CCDC146: variants seen among roughly 807,000 people sequenced by gnomAD.
CCDC146 encodes coiled-coil domain containing 146, also known as coiled-coil domain-containing protein 146.
In CCDC146, 92 loss-of-function variants were observed where a neutral mutation model predicts 119.3. The ratio of observed to expected loss-of-function variants is 0.77; its 90% CI spans 0.65 to 0.92. The LOEUF is 0.92. Among genes scored for constraint, CCDC146 ranks in the 40% least tolerant of loss-of-function variants. CCDC146 has a pLI of 0.00. For synonymous variants in CCDC146, 372 were observed against 371.8 expected (o/e 1.00, Z -0.01); for missense variants, 1,000 against 1,103.0 (o/e 0.91, Z 1.32).
Position 77,287,530 on chromosome 7 carries a change from A to G in CCDC146, c.2368A>G (p.Ser790Gly), listed in dbSNP as rs376608173. The G allele has an allele frequency of 6.2e-7, 1 of 1,614,048 alleles. No homozygotes were observed. The highest frequency in any genetic ancestry group is 1.1e-5 in the South Asian group (1 of 91,074). ...CTCCAGGCTCACAGACAGGCTCTGC[A>G]GCAAAACTCAGGGCTGCAAGCAGGA... ...QVSRLTDRLCSKTQGCKQDTL... is the reference protein window; with the variant it reads ...QVSRLTDRLCGKTQGCKQDTL... The change falls in exon 17 of 19, where the codon AGC becomes GGC. Residue 790 changes from serine (S) to glycine (G), a missense_variant. By Grantham distance (56) the Ser-to-Gly change is moderately conservative (BLOSUM62 0). Around this residue, in one of 2 missense-constraint regions of CCDC146, gnomAD observed 985 missense variants for 1,045.3 expected, o/e 0.94. Coordinates refer to ENST00000285871, the MANE Select transcript of CCDC146 (RefSeq NM_020879.3).
At chr7:77,276,802 C>G (rs3108446) in intron 11 of CCDC146, among the ~76,000 whole-genome samples, 139,899 of 152,064 alleles carry the variant, frequency 0.92, 64,547 homozygotes, top group African/African-American at 0.98. Context: ...CAGGAGCGGT[C>G]TCTCACGCCT....
At chr7:77,186,027 T>A (rs1791661614) in intron 2 of CCDC146, among the ~76,000 whole-genome samples, 1 of 152,176 alleles carries the variant, frequency 6.6e-6, no homozygotes, top group Admixed American at 6.6e-5. Flanking sequence ...AAGGGAAGCC[T>A]CATACACTGT....
intron 2 of CCDC146, among the ~76,000 whole-genome samples, chr7:77,227,950 A>G (rs1349075377): frequency 3.9e-5 from 6 of 152,222 alleles, no homozygotes; most frequent in Admixed American, 6.5e-5. Context: ...ACATACTCAT[A>G]TGTAAAATAA....
intron 2 of CCDC146, among the ~76,000 whole-genome samples, chr7:77,232,077 T>C (rs1414070282): frequency 6.6e-6 from 1 of 152,232 alleles, no homozygotes; most frequent in African/African-American, 2.4e-5. Flanking sequence ...TCCCCCGCAG[T>C]AGGCAGCCTC....
chr7:77,124,112 C>A (rs1433646823), intron 1 of CCDC146, among the ~76,000 whole-genome samples: 1 of 152,190 alleles, frequency 6.6e-6, no homozygotes, highest in Non-Finnish European at 1.5e-5. Context: ...ATAGTTAATT[C>A]TGTGTCTATG....
chr7:77,204,992 G>A (rs750860307), intron 2 of CCDC146, among the ~76,000 whole-genome samples: 22 of 152,286 alleles, frequency 1.4e-4, no homozygotes, highest in Non-Finnish European at 2.1e-4. Context: ...GCTGGCATGC[G>A]CCTACAGTCC....
intron 2 of CCDC146, among the ~76,000 whole-genome samples, chr7:77,173,873 C>G (rs1408847914): frequency 6.6e-6 from 1 of 152,114 alleles, no homozygotes; most frequent in Admixed American, 6.5e-5. Flanking sequence ...GTGTACAGAT[C>G]AGGTTTTTTA....
intron 2 of CCDC146, among the ~76,000 whole-genome samples, chr7:77,180,773 G>A (rs994600393): frequency 6.6e-6 from 1 of 152,172 alleles, no homozygotes; most frequent in Non-Finnish European, 1.5e-5. Flanking sequence ...TTATGGGTTT[G>A]TGTATTTAAA....
chr7:77,176,212 C>G (rs1265832100), intron 2 of CCDC146, among the ~76,000 whole-genome samples: 1 of 151,094 alleles, frequency 6.6e-6, no homozygotes, highest in Non-Finnish European at 1.5e-5. Flanking sequence ...CAACTCTGCT[C>G]CTGGGTTCTG....
chr7:77,245,870 TAA>T (rs35387327), intron 4 of CCDC146, among the ~76,000 whole-genome samples: 307 of 147,124 alleles, frequency 2.1e-3, no homozygotes, highest in Middle Eastern at 3.4e-3. Flanking sequence ...TACCTTAACT[TAA>T]AAAAAAAAAA....
chr7:77,263,749 C>A (rs1339177486), intron 9 of CCDC146, among the ~76,000 whole-genome samples: 1 of 152,170 alleles, frequency 6.6e-6, no homozygotes, highest in Non-Finnish European at 1.5e-5. Flanking sequence ...CATGGTGAAA[C>A]CCTGTCTCTA....
Position 77,190,831 on chromosome 7 carries a change from G to A in CCDC146, c.156+23007G>A, listed in dbSNP as rs542986290. The stretch of plus-strand genomic sequence containing the variant: ...GAGAGGGACAGGATTGAAATTGAAG[G>A]TGATTTGTGAAGGAGTCTTTATTTT... On this transcript the variant is annotated intron_variant, in intron 2 of 18. Coordinates refer to ENST00000285871, the MANE Select transcript of CCDC146 (RefSeq NM_020879.3). Among the ~76,000 whole-genome samples the A allele has an allele frequency of 3.9e-5, 6 of 152,298 alleles. No individual in the cohort carries two copies. In the South Asian group the frequency reaches 1.2e-3, roughly 32 times the overall value.
At chr7:77,282,957 G>A (rs1793789818) in intron 15 of CCDC146, among the ~76,000 whole-genome samples, 172 bp downstream of exon 15, 1 of 152,194 alleles carries the variant, frequency 6.6e-6, no homozygotes, top group African/African-American at 2.4e-5. Flanking sequence ...TGGAATCTGT[G>A]CTTCAGGCAT....
At chr7:77,134,575 G>C (rs1279088139) in intron 1 of CCDC146, among the ~76,000 whole-genome samples, 61 of 151,154 alleles carry the variant, frequency 4.0e-4, no homozygotes, top group Non-Finnish European at 6.2e-4. Context: ...GTGTGTGTGT[G>C]TGTGTGTGTG....
intron 2 of CCDC146, among the ~76,000 whole-genome samples, chr7:77,178,645 T>G (rs1791536039): frequency 6.6e-6 from 1 of 152,250 alleles, no homozygotes; most frequent in Admixed American, 6.5e-5. Flanking sequence ...TATTTTTCAT[T>G]GATTGTTTAC....
chr7:77,282,072 A>G (rs1296416538), intron 14 of CCDC146, among the ~76,000 whole-genome samples: 2 of 152,162 alleles, frequency 1.3e-5, no homozygotes, highest in Admixed American at 1.3e-4. Context: ...GTTTATGGGG[A>G]AATCACAACC....
At chr7:77,268,979 G>A (rs948417492) in intron 9 of CCDC146, among the ~76,000 whole-genome samples, 13 of 152,088 alleles carry the variant, frequency 8.5e-5, no homozygotes, top group East Asian at 3.9e-4. Flanking sequence ...TGTATCCATC[G>A]TGTGGGGCAC....
chr7:77,192,256 A>G (rs1345072065), intron 2 of CCDC146, among the ~76,000 whole-genome samples: 1 of 152,160 alleles, frequency 6.6e-6, no homozygotes, highest in Admixed American at 6.5e-5. Flanking sequence ...GGTGCTTTAT[A>G]TATGTGATTT....
At chr7:77,244,067 G>A (rs1303478254) in intron 4 of CCDC146, among the ~76,000 whole-genome samples, 4 of 151,952 alleles carry the variant, frequency 2.6e-5, no homozygotes, top group Admixed American at 6.6e-5. Flanking sequence ...TAGTAGAGAC[G>A]GGATTTCACC....
Sources: gnomAD v4.1 joint callset for allele counts (sites outside exome capture counted in the v4.1 genomes callset) on GRCh38, gnomAD v4.1.1 for gene constraint, gnomAD v4.1.1 regional missense constraint, MANE v1.5 for transcripts, NCBI Gene and HGNC (gene_info 2026-07-23, HGNC 2026-07-21) for gene names.